The following ADD1 variants were observed in gnomAD, a reference collection of about 807,000 sequenced individuals.
ADD1 encodes the protein adducin 1, also known as alpha-adducin.
A neutral mutation model predicts 80.5 loss-of-function variants in ADD1; 24 were observed. The observed-to-expected ratio is 0.30, with a 90% CI of 0.22 to 0.42. The LOEUF (loss-of-function observed/expected upper bound fraction) is 0.42, where lower values mean the gene tolerates loss of function less well. ADD1 is among the 10% of genes least tolerant of loss of function. The pLI is 1.00. For synonymous variants in ADD1, 373 were observed against 393.8 expected, an observed-to-expected ratio of 0.95 and a Z score of 0.63; for missense variants, 948 against 1,019.0, an observed-to-expected ratio of 0.93 and a Z score of 0.95.
At chr4:2,907,391 A>AT (rs2109076886) in intron 10 of ADD1, 1 of 178,126 alleles carries the variant, frequency 5.6e-6, no homozygotes, top group Non-Finnish European at 1.2e-5. Context: ...GTGTTGGATG[A>AT]TTTTCAGAGC....
At position 2,905,116 on chromosome 4, in the gene ADD1, C is replaced by T. The variant is rs763252443; in HGVS notation, c.1506+8C>T. ...TGTATTACCAACTGCTTGGTCTGTG[C>T]CTACCTTACTGTTCATAGTTAGATG... is the stretch of plus-strand genomic sequence containing the variant. On this transcript the variant is annotated splice_region_variant and intron_variant, in intron 10 of 15. Coordinates refer to ENST00000683351, the MANE Select transcript of ADD1 (RefSeq NM_001354761.2). The T allele has an allele frequency of 6.2e-7, 1 of 1,613,520 alleles. No individual in the cohort carries two copies. The highest frequency in any genetic ancestry group is 8.5e-7 in the Non-Finnish European group (1 of 1,179,534).
At chr4:2,898,848 C>A (rs950895166) in intron 8 of ADD1, 5 of 415,028 alleles carry the variant, frequency 1.2e-5, no homozygotes, top group Admixed American at 1.1e-4. Context: ...TGTCACGTGA[C>A]CCCCACAGTA....
At position 2,903,680 on chromosome 4, in the gene ADD1, T is replaced by G. The variant is rs144336184; in HGVS notation, c.1162-1084T>G. Among the ~76,000 whole-genome samples the G allele has an allele frequency of 2.1e-3, 324 of 152,298 alleles. 1 individual carries two copies. The highest frequency in any genetic ancestry group is 8.1e-3 in the South Asian group (39 of 4,822). ...ATCACCTTTTGTGAATTCCGCTACT[T>G]AGAAGCAAGTCAGAGATCTCACCTG... On this transcript the variant is annotated intron_variant, in intron 9 of 15. Transcript: ENST00000683351.
In ADD1 at chr4:2,926,074, C is replaced by G. The variant is rs140040570; in HGVS notation, c.2009C>G (p.Pro670Arg). ...AGTCCTCCAGACCAGCCTGCGGTCC[C>G]CCACCCGCCTCCCAGCACTCCCATC... ...EKSPPDQPAV[P>R]HPPPSTPIKL... Residue 670 changes from proline to arginine, a missense_variant, in exon 15 of 16, where the codon CCC (proline) becomes CGC (arginine). Physicochemically the swap from Pro to Arg is moderately radical, Grantham distance 103. Transcript: ENST00000683351. The surrounding 1 kb of genome is among the most constrained non-coding windows in gnomAD (Gnocchi z 5.0). 1.9e-6 allele frequency: 3 copies of G among 1,614,056 alleles called. No individual in the cohort carries two copies. The highest frequency in any genetic ancestry group is 2.5e-6 in the Non-Finnish European group (3 of 1,180,030).
Position 2,929,899 on chromosome 4 carries a change from C to T in ADD1, c.*1376C>T, listed in dbSNP as rs1395577147. 1 of 152,694 alleles carries T rather than the reference C, an allele frequency of 6.5e-6. No homozygotes were observed. Among genetic ancestry groups the T allele is most frequent in the Non-Finnish European group, 1.5e-5 (1 of 68,062 alleles). The allele number at this position is 152,694 out of a possible 1,614,324, so 9.5% of individuals were successfully genotyped here. A position where few individuals can be genotyped will look rare whatever the true frequency, so the allele number is the denominator to read the frequency against. ...GACTCTTCCTTTATCCCCTCCTTTA[C>T]CCCACATATGCAATGACTTTTAATT... On this transcript the variant is annotated 3_prime_UTR_variant, in exon 16 of 16. Transcript: ENST00000683351.
At chr4:2,853,535 C>T (rs1188530639) in intron 1 of ADD1, 1 of 151,864 alleles carries the variant, frequency 6.6e-6, no homozygotes, top group East Asian at 1.9e-4. Context: ...TTTTTTGGCC[C>T]ATAAATTATT....
chr4:2,873,701 G>T (rs1173293665), intron 1 of ADD1, among the ~76,000 whole-genome samples: 1 of 152,122 alleles, frequency 6.6e-6, no homozygotes, highest in African/African-American at 2.4e-5. Flanking sequence ...GACTCATAAT[G>T]ATTTTCTTTG....
Position 2,915,062 on chromosome 4 carries a change from C to T in ADD1, c.1948+22C>T, listed in dbSNP as rs757879597. On this transcript the variant is annotated intron_variant, in intron 14 of 15. Transcript: ENST00000683351. ...GAAGGTGAGTGCTTGTGGTCCTGGG[C>T]ACGGCCACTCCAGAAGGTGAAAGTG... The T allele has an allele frequency of 7.5e-6, 12 of 1,593,962 alleles. No individual in the cohort carries two copies. The highest frequency in any genetic ancestry group is 1.3e-5 in the African/African-American group (1 of 74,422).
At position 2,858,393 on chromosome 4, in the gene ADD1, C is replaced by CAGACAGAGA. The variant is rs573150077; in HGVS notation, c.-21+14369_-21+14370insAGACAGAGA. Among the ~76,000 whole-genome samples, 167 of 152,260 alleles carry CAGACAGAGA rather than the reference C, an allele frequency of 1.1e-3. 1 individual carries two copies. Among genetic ancestry groups the CAGACAGAGA allele is most frequent in the Admixed American group, 3.6e-3 (55 of 15,294 alleles). On this transcript the variant is annotated intron_variant, in intron 1 of 15. Transcript: ENST00000683351. The stretch of plus-strand genomic sequence containing the variant: ...GATTCTCATTTTACAGATGAAGAAA[C>CAGACAGAGA]TGAAATAGACAGAGATGAAGAAATG...
At chr4:2,866,212 G>A (rs957660813) in intron 1 of ADD1, among the ~76,000 whole-genome samples, 1 of 152,200 alleles carries the variant, frequency 6.6e-6, no homozygotes, top group African/African-American at 2.4e-5. Flanking sequence ...TGTTCCCCAG[G>A]CTGGAGTGCA....
chr4:2,927,798 C>A (rs986579770), intron 15 of ADD1, among the ~76,000 whole-genome samples: 1 of 152,228 alleles, frequency 6.6e-6, no homozygotes, highest in African/African-American at 2.4e-5. Context: ...ACTACTAGTA[C>A]ATGCCCTTAG....
chr4:2,857,243 C>T (rs1044899102), intron 1 of ADD1, among the ~76,000 whole-genome samples: 11 of 152,086 alleles, frequency 7.2e-5, no homozygotes, highest in African/African-American at 1.4e-4. Flanking sequence ...TGTTTTAATT[C>T]GCAAATTCCT....
rs146433865 is a variant in ADD1, at chr4:2,927,218, G to A, written c.2048-953G>A. 5.3e-5 allele frequency among the ~76,000 whole-genome samples: 8 copies of A among 152,316 alleles called. No homozygotes were observed. In the East Asian group the frequency reaches 1.2e-3, roughly 22 times the overall value. ...TCAGCCACACCATGCCCAGCAGAGCGGGCCCCATCTCCTCAGGGGGAGCGG... is the reference window on the plus strand; with the variant it reads ...TCAGCCACACCATGCCCAGCAGAGCAGGCCCCATCTCCTCAGGGGGAGCGG... On this transcript the variant is annotated intron_variant, in intron 15 of 15. Coordinates refer to ENST00000683351, the MANE Select transcript of ADD1 (RefSeq NM_001354761.2).
chr4:2,847,599 T>A (rs1324678017), intron 1 of ADD1, among the ~76,000 whole-genome samples: 1 of 152,200 alleles, frequency 6.6e-6, no homozygotes, highest in African/African-American at 2.4e-5. Flanking sequence ...CTCGGTTAAC[T>A]TAGAAAGTTT....
chr4:2,852,166 CT>C (rs1259809076), intron 1 of ADD1, among the ~76,000 whole-genome samples: 1 of 74,650 alleles, frequency 1.3e-5, no homozygotes, highest in Non-Finnish European at 2.6e-5. Context: ...TTCTTTCTTT[CT>C]TTCTTTCTTT....
rs137927328 is a variant in ADD1 at position 2,884,567 on chromosome 4, G to A, written c.411G>A (p.Ala137=). The A allele has an allele frequency of 1.4e-4, 223 of 1,613,226 alleles. 2 individuals carry two copies. Among genetic ancestry groups the A allele is most frequent in the Admixed American group, 5.8e-4 (35 of 59,942 alleles). The change falls in exon 4 of 16, where the codon GCG becomes GCA. Residue 137 remains alanine (A), a synonymous_variant. Coordinates refer to ENST00000683351, the MANE Select transcript of ADD1 (RefSeq NM_001354761.2). ...VNDLRGSDSI[A]YDKGEKLLRC... ...ATCTTAGAGGATCTGATTCTATTGC[G>A]TATGACAAAGGAGAGAAGTTATTAC...
chr4:2,858,975 A>G (rs1477567315), intron 1 of ADD1, among the ~76,000 whole-genome samples: 2 of 152,240 alleles, frequency 1.3e-5, no homozygotes, highest in Admixed American at 6.5e-5. Context: ...ACTGAAGTAC[A>G]GAAGACAATA....
At chr4:2,852,723 G>C (rs570082046) in intron 1 of ADD1, among the ~76,000 whole-genome samples, 141 of 130,160 alleles carry the variant, frequency 1.1e-3, no homozygotes, top group African/African-American at 3.8e-3. Context: ...TTTGGAGACA[G>C]AGTCTTGCTC....
At chr4:2,862,628 CT>C (rs1429811272) in intron 1 of ADD1, among the ~76,000 whole-genome samples, 2 of 152,184 alleles carry the variant, frequency 1.3e-5, no homozygotes, top group African/African-American at 2.4e-5. Flanking sequence ...CCTTCCTTAG[CT>C]GTCCCCTTCT....
Sources: allele counts gnomAD v4.1 joint callset (sites outside exome capture counted in the v4.1 genomes callset), GRCh38; gene constraint gnomAD v4.1.1; non-coding constraint Gnocchi (gnomAD v3.1); transcripts MANE v1.5; gene names NCBI Gene and HGNC (gene_info 2026-07-23, HGNC 2026-07-21).